Variants in ANKRD2 observed in about 807,000 individuals in gnomAD.
The protein encoded by ANKRD2 is ankyrin repeat domain 2.
A neutral mutation model predicts 37.3 loss-of-function variants in ANKRD2; 35 were observed. That is an observed-to-expected ratio of 0.94 (90% CI 0.72 to 1.24). The LOEUF (loss-of-function observed/expected upper bound fraction) is 1.24. Among genes scored for constraint, ANKRD2 ranks in the 50% most tolerant of loss-of-function variants. The pLI, the probability that ANKRD2 is intolerant of heterozygous loss-of-function variation, is 0.00. For synonymous variants in ANKRD2, 159 were observed against 186.5 expected (o/e 0.85, Z 1.20); for missense variants, 410 against 445.6 (o/e 0.92, Z 0.72).
chr10:97,576,439 C>A (rs900265172), intron 1 of ANKRD2, among the ~76,000 whole-genome samples: 3 of 152,148 alleles, frequency 2.0e-5, no homozygotes, highest in African/African-American at 7.2e-5. Flanking sequence ...AGACTTAGAG[C>A]CCGTTTCAGG....
chr10:97,579,173 A>AT lies in ANKRD2; in HGVS notation c.456+582dup, dbSNP rs200455140. Among the ~76,000 whole-genome samples the AT allele has an allele frequency of 8.1e-3, 1,166 of 144,666 alleles. 5 individuals are homozygous for AT. The highest frequency in any genetic ancestry group is 0.02 in the South Asian group (90 of 4,498). The allele number at this position is 144,666 out of a possible 152,430, so 94.9% of individuals were successfully genotyped here. A position where few individuals can be genotyped will look rare whatever the true frequency, so the allele number is the denominator to read the frequency against. On this transcript the variant is annotated intron_variant, in intron 4 of 8. Coordinates refer to ENST00000370655, the MANE Select transcript of ANKRD2 (RefSeq NM_001346793.2). ...TATACATATATAGATAAAGATATAG[A>AT]TTTTTTTTTTTTTTGGTAAAAGGAA...
chr10:97,576,353 T>A (rs954286540), intron 1 of ANKRD2, among the ~76,000 whole-genome samples: 1 of 152,052 alleles, frequency 6.6e-6, no homozygotes, highest in Non-Finnish European at 1.5e-5. Flanking sequence ...GAAGAAGCAG[T>A]CCAGGAAAAT....
chr10:97,575,747 A>G (rs2040819066), intron 1 of ANKRD2, among the ~76,000 whole-genome samples: 3 of 152,118 alleles, frequency 2.0e-5, no homozygotes, highest in Admixed American at 1.3e-4. Context: ...TGTCTCTACT[A>G]AAATACAAAA....
In ANKRD2 at chr10:97,583,781, T is replaced by C; in HGVS notation, c.*56T>C. 7 of 1,437,608 alleles carry C rather than the reference T, an allele frequency of 4.9e-6. No homozygotes were observed. The highest frequency in any genetic ancestry group is 6.4e-6 in the Non-Finnish European group (7 of 1,094,692). The allele number at this position is 1,437,608 out of a possible 1,614,324, so 89.1% of individuals were successfully genotyped here. On this transcript the variant is annotated 3_prime_UTR_variant, in exon 9 of 9. Transcript: ENST00000370655. ...CCCCTCTCTGTGTGCAGCCGGAGGG[T>C]CCTAAGAATGGCTCCCGGAGCTAAC...
chr10:97,578,800 C>T (rs559894456), intron 4 of ANKRD2, among the ~76,000 whole-genome samples, 195 bp downstream of exon 4: 1 of 152,306 alleles, frequency 6.6e-6, no homozygotes, highest in Non-Finnish European at 1.5e-5. Context: ...AACCCTTTTC[C>T]AACTTGAATC....
rs904801908 is a variant in ANKRD2, at chr10:97,580,879, G to C, written c.481G>C (p.Ala161Pro). Residue 161 changes from alanine to proline, a missense_variant, in exon 5 of 9, where the codon GCT becomes CCT. By Grantham distance (27) the Ala-to-Pro change is conservative. Coordinates refer to ENST00000370655, the MANE Select transcript of ANKRD2 (RefSeq NM_001346793.2). ...DQFRRTALHRASLEGHMEILE... is the reference protein window; with the variant it reads ...DQFRRTALHRPSLEGHMEILE... The stretch of plus-strand genomic sequence containing the variant: ...GTTCCGTCGGACAGCACTGCACCGA[G>C]CTTCCCTGGAAGGCCACATGGAAAT... 1.2e-6 allele frequency: 2 copies of C among 1,611,528 alleles called. No homozygotes were observed. Among genetic ancestry groups the C allele is most frequent in the African/African-American group, 1.3e-5 (1 of 75,006 alleles).
intron 8 of ANKRD2, 97 bp from the exon 9 acceptor site, chr10:97,583,479 A>T: frequency 8.3e-7 from 1 of 1,206,944 alleles, no homozygotes; most frequent in Non-Finnish European, 1.1e-6. Flanking sequence ...TTTGAGAAGC[A>T]CTGGTGGTGT....
intron 1 of ANKRD2, among the ~76,000 whole-genome samples, chr10:97,573,860 C>T (rs188967794): frequency 6.6e-6 from 1 of 152,268 alleles, no homozygotes; most frequent in East Asian, 1.9e-4. Flanking sequence ...TCATTTTAGC[C>T]CATTTGTTGG....
rs60915214 is a variant in ANKRD2, at chr10:97,578,532, C to T, written c.383C>T (p.Ala128Val). 151 of 1,577,592 alleles carry T rather than the reference C, an allele frequency of 9.6e-5. No homozygotes were observed. The highest frequency in any genetic ancestry group is 1.2e-4 in the Non-Finnish European group (142 of 1,161,370). ...GPVDEETFLK[A>V]AVEGKMKVIE... ...GTGGATGAGGAGACCTTCCTGAAAG[C>T]TGCGGTGGAGGGGAAAATGAAGGTC... The change falls in exon 4 of 9, where the codon GCT (alanine) becomes GTT (valine). Residue 128 changes from alanine (A) to valine (V), a missense_variant. Coordinates refer to ENST00000370655, the MANE Select transcript of ANKRD2 (RefSeq NM_001346793.2).
At position 97,583,563 on chromosome 10, in the gene ANKRD2, C is replaced by T. The variant is rs1486471953; in HGVS notation, c.853-13C>T. On this transcript the variant is annotated splice_polypyrimidine_tract_variant and intron_variant, in intron 8 of 8. Transcript: ENST00000370655. ...CTCTTGCCAACCCCCACGCCCCGTCCCGCCCCCTCCAGGCAGGAAAGACCC... is the reference window on the plus strand; with the variant it reads ...CTCTTGCCAACCCCCACGCCCCGTCTCGCCCCCTCCAGGCAGGAAAGACCC... 1.9e-6 allele frequency: 3 copies of T among 1,590,698 alleles called. No homozygotes were observed. The highest frequency in any genetic ancestry group is 2.6e-6 in the Non-Finnish European group (3 of 1,169,660).
At chr10:97,578,150 C>T in intron 2 of ANKRD2, 90 bp from the exon 3 acceptor site, 2 of 918,544 alleles carry the variant, frequency 2.2e-6, no homozygotes, top group Admixed American at 2.6e-5. Context: ...TCCTGCCCAC[C>T]CCACCCTCCC....
intron 4 of ANKRD2, among the ~76,000 whole-genome samples, chr10:97,578,833 CAT>C (rs1454628634): frequency 7.9e-5 from 12 of 152,308 alleles, no homozygotes; most frequent in South Asian, 4.1e-4. Flanking sequence ...ACAAATGTCA[CAT>C]GTTTGTTTAG....
chr10:97,577,403 A>C (rs1473165767), intron 1 of ANKRD2, among the ~76,000 whole-genome samples: 1 of 152,206 alleles, frequency 6.6e-6, no homozygotes, highest in Non-Finnish European at 1.5e-5. Context: ...AGTAGCTGGG[A>C]CTAAAGGCTG....
At chr10:97,579,746 C>A (rs574210497) in intron 4 of ANKRD2, among the ~76,000 whole-genome samples, 2 of 152,110 alleles carry the variant, frequency 1.3e-5, no homozygotes, top group East Asian at 3.9e-4. Context: ...CGCCACCACA[C>A]CCGGCTAATT....
intron 3 of ANKRD2, 25 bp from the exon 4 acceptor site, chr10:97,578,473 G>A (rs763672058): frequency 1.3e-6 from 2 of 1,595,506 alleles, no homozygotes; most frequent in Non-Finnish European, 1.7e-6. Flanking sequence ...GGGACGGCCC[G>A]TGACTGCTGC....
At position 97,572,888 on chromosome 10, in the gene ANKRD2, G is replaced by T. The variant is rs1313548592; in HGVS notation, c.87+13G>T. ...GGAGGAGAATGAGGTGCGAGCAGGGGTGGAGGTGCCCAAGGGGGTCTGAGG... is the reference window on the plus strand; with the variant it reads ...GGAGGAGAATGAGGTGCGAGCAGGGTTGGAGGTGCCCAAGGGGGTCTGAGG... On this transcript the variant is annotated intron_variant, in intron 1 of 8. Transcript: ENST00000370655. 7.7e-6 allele frequency: 12 copies of T among 1,550,086 alleles called. No homozygotes were observed. In the Admixed American group the frequency reaches 2.0e-4, roughly 25 times the overall value.
chr10:97,576,175 CAGGG>C (rs753213277), intron 1 of ANKRD2, among the ~76,000 whole-genome samples: 1 of 152,124 alleles, frequency 6.6e-6, no homozygotes, highest in Non-Finnish European at 1.5e-5. Flanking sequence ...TGCGGGAGCT[CAGGG>C]AGGAATGGGA....
At chr10:97,573,014 G>C (rs2040780308) in intron 1 of ANKRD2, 139 bp downstream of exon 1, 4 of 1,160,928 alleles carry the variant, frequency 3.4e-6, no homozygotes, top group Non-Finnish European at 3.6e-6. Context: ...CCTCATTCCT[G>C]TCCCAGGGTA....
intron 1 of ANKRD2, among the ~76,000 whole-genome samples, chr10:97,575,910 CAAAA>C (rs5787245): frequency 1.5e-5 from 2 of 136,198 alleles, no homozygotes; most frequent in Non-Finnish European, 3.1e-5. Context: ...GACTCGGTCT[CAAAA>C]AAAAAAAAAA....
Sources: gnomAD v4.1 joint callset for allele counts (sites outside exome capture counted in the v4.1 genomes callset) on GRCh38, gnomAD v4.1.1 for gene constraint, MANE v1.5 for transcripts, NCBI Gene and HGNC (gene_info 2026-07-23, HGNC 2026-07-21) for gene names.